The following NTRK2 variants were observed in gnomAD, a reference collection of about 807,000 sequenced individuals.
The protein encoded by NTRK2 is neurotrophic receptor tyrosine kinase 2, also known as BDNF/NT-3 growth factors receptor.
NTRK2 carries 13 observed loss-of-function variants against 94.5 expected under a neutral mutation model. The observed-to-expected ratio is 0.14, with a 90% CI of 0.09 to 0.22. The LOEUF is 0.22. Ranked by LOEUF, NTRK2 falls within the 10% of genes least tolerant of loss-of-function variation. The pLI is 1.00. For synonymous variants in NTRK2, 372 were observed against 407.4 expected (o/e 0.91, Z 1.05); for missense variants, 639 against 1,071.2 (o/e 0.60, Z 5.63).
At chr9:84,712,062 T>C (rs2061446026) in intron 6 of NTRK2, among the ~76,000 whole-genome samples, 1 of 152,208 alleles carries the variant, frequency 6.6e-6, no homozygotes, top group Non-Finnish European at 1.5e-5. Flanking sequence ...AATTCAATGT[T>C]GAGTCACCTG....
chr9:84,832,797 G>A (rs985244832), intron 12 of NTRK2, among the ~76,000 whole-genome samples: 6 of 152,234 alleles, frequency 3.9e-5, no homozygotes, highest in South Asian at 2.1e-4. Flanking sequence ...TCTGTTTTAC[G>A]GAAGTGCTCC....
chr9:84,890,728 C>T (rs1439265029), intron 14 of NTRK2, among the ~76,000 whole-genome samples: 1 of 152,146 alleles, frequency 6.6e-6, no homozygotes, highest in Non-Finnish European at 1.5e-5. Flanking sequence ...TTAAAAAATG[C>T]TTATCTGTGG....
chr9:84,764,820 G>A (rs6559826), intron 12 of NTRK2, among the ~76,000 whole-genome samples: 117,153 of 152,102 alleles, frequency 0.77, 45,289 homozygotes, highest in East Asian at 0.89. Context: ...GTGTCCATCA[G>A]CAGATGAATG....
chr9:84,779,647 T>C (rs1192788535), intron 12 of NTRK2, among the ~76,000 whole-genome samples: 1 of 152,202 alleles, frequency 6.6e-6, no homozygotes, highest in East Asian at 1.9e-4. Context: ...TTTTTGTTTT[T>C]TTGACACTGA....
chr9:84,991,353 C>T (rs1343895218), intron 17 of NTRK2, among the ~76,000 whole-genome samples: 3 of 152,140 alleles, frequency 2.0e-5, no homozygotes, highest in African/African-American at 7.2e-5. Flanking sequence ...CTGGGCACCC[C>T]GTGGATGTGG....
chr9:84,713,780 T>C (rs961150110), intron 6 of NTRK2, among the ~76,000 whole-genome samples: 2 of 152,134 alleles, frequency 1.3e-5, no homozygotes, highest in African/African-American at 4.8e-5. Flanking sequence ...TGCTTGCTCT[T>C]TCTAGGTAAA....
intron 12 of NTRK2, among the ~76,000 whole-genome samples, chr9:84,785,926 C>T (rs1035607106): frequency 2.0e-5 from 3 of 152,142 alleles, no homozygotes; most frequent in Non-Finnish European, 4.4e-5. Flanking sequence ...GTGACTTGCA[C>T]ACAAGCGCCA....
At chr9:84,722,123 A>G (rs1288773063) in intron 6 of NTRK2, among the ~76,000 whole-genome samples, 3 of 126,628 alleles carry the variant, frequency 2.4e-5, no homozygotes, top group Admixed American at 7.9e-5. Flanking sequence ...TCATTGTTAT[A>G]TATTTCATTG....
chr9:84,820,551 C>T (rs890029239), intron 12 of NTRK2, among the ~76,000 whole-genome samples: 3 of 152,144 alleles, frequency 2.0e-5, no homozygotes, highest in African/African-American at 4.8e-5. Context: ...ATGTATTTTA[C>T]GCATTCATGA....
intron 2 of NTRK2, among the ~76,000 whole-genome samples, chr9:84,694,855 AGATT>A (rs2060265098): frequency 6.6e-6 from 1 of 152,054 alleles, no homozygotes. Flanking sequence ...TGGAGATGAT[AGATT>A]GATTGATAGA....
intron 12 of NTRK2, among the ~76,000 whole-genome samples, chr9:84,789,989 C>G (rs1173844195): frequency 2.0e-5 from 3 of 152,176 alleles, no homozygotes; most frequent in Non-Finnish European, 4.4e-5. Context: ...TTCAAATGTT[C>G]CACTTATTCT....
chr9:84,839,978 C>G (rs1248744148), intron 12 of NTRK2, among the ~76,000 whole-genome samples: 1 of 152,142 alleles, frequency 6.6e-6, no homozygotes, highest in African/African-American at 2.4e-5. Context: ...CATTTCACTG[C>G]CAACATCCCT....
chr9:84,671,615 G>T (rs2058701265), intron 2 of NTRK2, among the ~76,000 whole-genome samples: 1 of 152,164 alleles, frequency 6.6e-6, no homozygotes, highest in South Asian at 2.1e-4. Flanking sequence ...ATTTAATTTG[G>T]ACTTGACTTC....
intron 12 of NTRK2, among the ~76,000 whole-genome samples, chr9:84,833,273 T>G (rs2073678675): frequency 6.6e-6 from 1 of 151,842 alleles, no homozygotes; most frequent in African/African-American, 2.4e-5. Context: ...TATCCATGCC[T>G]GGGATCCACA....
chr9:84,877,977 A>G, intron 14 of NTRK2: 1 of 999,444 alleles, frequency 1.0e-6, no homozygotes, highest in Non-Finnish European at 1.2e-6. Flanking sequence ...CAACATTGGG[A>G]TTCCTCAAGG....
intron 14 of NTRK2, among the ~76,000 whole-genome samples, chr9:84,910,486 A>G (rs1413977277): frequency 6.6e-6 from 1 of 151,936 alleles, no homozygotes; most frequent in Non-Finnish European, 1.5e-5. Flanking sequence ...TTCCTGTCCC[A>G]TCTAAGGATG....
intron 17 of NTRK2, among the ~76,000 whole-genome samples, chr9:84,962,996 T>C (rs1195800766): frequency 6.6e-6 from 1 of 152,208 alleles, no homozygotes; most frequent in Non-Finnish European, 1.5e-5. Context: ...CAATTTCTGA[T>C]TGGTTCAGAG....
chr9:84,698,336 T>C (rs2060514772), intron 2 of NTRK2, among the ~76,000 whole-genome samples: 1 of 152,110 alleles, frequency 6.6e-6, no homozygotes, highest in South Asian at 2.1e-4. Context: ...CTTTCTCACT[T>C]CGCATAGCAG....
chr9:84,811,375 T>A, intron 12 of NTRK2: 1 of 1,066,078 alleles, frequency 9.4e-7, no homozygotes, highest in Non-Finnish European at 1.1e-6. Flanking sequence ...GTTGGGGCTA[T>A]AGATTTAAGT....
Sources: allele counts gnomAD v4.1 joint callset (sites outside exome capture counted in the v4.1 genomes callset), GRCh38; gene constraint gnomAD v4.1.1; transcripts MANE v1.5; gene names NCBI Gene and HGNC (gene_info 2026-07-23, HGNC 2026-07-21).